Variants in MPG observed in about 807,000 individuals in gnomAD.
The protein encoded by MPG is DNA-3-methyladenine glycosylase.
A neutral mutation model predicts 31.7 loss-of-function variants in MPG; 33 were observed. That is an observed-to-expected ratio of 1.04 (90% CI 0.79 to 1.39). The LOEUF (loss-of-function observed/expected upper bound fraction) is 1.39, where lower values mean the gene tolerates loss of function less well. Ranked by LOEUF, MPG falls within the 40% of genes most tolerant of loss-of-function variation. MPG has a pLI of 0.00. For missense variants in MPG, 455 were observed against 415.5 expected (o/e 1.10, Z -0.83); for synonymous variants, 202 against 169.2 (o/e 1.19, Z -1.51).
chr16:83,144 C>T lies in MPG; in HGVS notation c.393C>T (p.His131=). 1 of 1,613,238 alleles carries T rather than the reference C, an allele frequency of 6.2e-7. No individual in the cohort carries two copies. The highest frequency in any genetic ancestry group is 1.3e-5 in the African/African-American group (1 of 75,052). Residue 131 remains histidine, a synonymous_variant, in exon 3 of 4, where the codon CAC becomes CAT. Transcript: ENST00000356432. ...TGGGGCCAGAGGATGAAGCCGCCCA[C>T]TCAAGGGGTGGCCGGCAGACCCCCC... ...AYLGPEDEAA[H]SRGGRQTPRN...
Position 79,527 on chromosome 16 carries a change from TCGTCCGATGCAGCC to T in MPG, c.129_142del (p.Ser44GlyfsTer60). The T allele has an allele frequency of 6.2e-7, 1 of 1,612,806 alleles. No homozygotes were observed. Among genetic ancestry groups the T allele is most frequent in the Non-Finnish European group, 8.5e-7 (1 of 1,179,932 alleles). ...GGCACCTGCAGAGCAGCCACACAGC[TCGTCCGATGCAGCC>T]CAGGCACCTTGCCCCAGGGAGCGCT... On this transcript the variant is annotated frameshift_variant, in exon 2 of 4. Coordinates refer to ENST00000356432, the MANE Select transcript of MPG (RefSeq NM_001015052.3). LOFTEE classifies it high-confidence loss of function.
At chr16:79,301 C>A (rs770926942) in intron 1 of MPG, 124 bp from the exon 2 acceptor site, 1 of 1,596,200 alleles carries the variant, frequency 6.3e-7, no homozygotes, top group Non-Finnish European at 8.5e-7. Flanking sequence ...GGATGGTCAC[C>A]CCCGCTTTGC....
intron 1 of MPG, 129 bp from the exon 2 acceptor site, chr16:79,296 G>C (rs959519751): frequency 1.3e-6 from 2 of 1,590,708 alleles, no homozygotes; most frequent in Non-Finnish European, 8.6e-7. Flanking sequence ...CCACAGGATG[G>C]TCACCCCCGC....
intron 1 of MPG, chr16:79,045 C>CAG: frequency 2.8e-6 from 4 of 1,428,900 alleles, no homozygotes; most frequent in Non-Finnish European, 3.6e-6. Context: ...CTCCAGAAAC[C>CAG]AGCTCAGACG....
At chr16:79,159 A>C in intron 1 of MPG, 1 of 1,524,056 alleles carries the variant, frequency 6.6e-7, no homozygotes, top group Non-Finnish European at 8.8e-7. Context: ...CTGGGCCCCC[A>C]TGCCGTGCAG....
chr16:83,436 A>C (rs1451041773), intron 3 of MPG, 180 bp downstream of exon 3: 1 of 631,372 alleles, frequency 1.6e-6, no homozygotes, highest in South Asian at 2.0e-5. Context: ...GGTTAGGTTA[A>C]AGGGGTAGAA....
chr16:79,824 G>A (rs1007850656), intron 2 of MPG, 124 bp downstream of exon 2: 9 of 1,125,056 alleles, frequency 8.0e-6, no homozygotes, highest in East Asian at 5.2e-5. Context: ...TGCATTTAGC[G>A]GCTTTGCTCA....
rs1232628610 is a variant in MPG, at chr16:78,251, C to T, written c.-59C>T. ...GTCCTAGGGGTGCTTCCGTGGTCGG[C>T]GGCTGCTGGGCTCCGCGCCGGGGTC... On this transcript the variant is annotated 5_prime_UTR_variant, in exon 1 of 4. Transcript: ENST00000356432. 2.2e-6 allele frequency: 3 copies of T among 1,362,660 alleles called. No homozygotes were observed. Among genetic ancestry groups the T allele is most frequent in the Non-Finnish European group, 2.9e-6 (3 of 1,052,576 alleles). The allele number at this position is 1,362,660 out of a possible 1,614,324, so 84.4% of individuals were successfully genotyped here.
chr16:79,994 C>T (rs1898198307), intron 2 of MPG: 1 of 518,934 alleles, frequency 1.9e-6, no homozygotes, highest in Non-Finnish European at 3.5e-6. Context: ...GCCTTCCTCA[C>T]CGGCAATCCA....
At chr16:78,688 G>GC (rs1448580965) in intron 1 of MPG, among the ~76,000 whole-genome samples, 1 of 152,194 alleles carries the variant, frequency 6.6e-6, no homozygotes. Flanking sequence ...CTAAAGACCA[G>GC]CCCTCCGGGT....
At chr16:78,189 C>CT, upstream of MPG, 1 of 947,144 alleles carries the variant, frequency 1.1e-6, no homozygotes, top group Non-Finnish European at 1.4e-6. Context: ...CTTCTCCCGG[C>CT]TTCCGTCCCC....
upstream of MPG, among the ~76,000 whole-genome samples, chr16:77,719 G>T (rs906416729): frequency 1.1e-4 from 17 of 152,184 alleles, no homozygotes; most frequent in Non-Finnish European, 2.5e-4. Context: ...GCACAAGCCT[G>T]GCGTCCACTT....
chr16:85,747 CAG>C lies in MPG; in HGVS notation c.855_856del (p.Arg285SerfsTer3). 6.6e-7 allele frequency: 1 copy of C among 1,513,752 alleles called. No homozygotes were observed. The highest frequency in any genetic ancestry group is 8.8e-7 in the Non-Finnish European group (1 of 1,130,106). The allele number at this position is 1,513,752 out of a possible 1,614,324, so 93.8% of individuals were successfully genotyped here. A position where few individuals can be genotyped will look rare whatever the true frequency, so the allele number is the denominator to read the frequency against. On this transcript the variant is annotated frameshift_variant, in exon 4 of 4. Coordinates refer to ENST00000356432, the MANE Select transcript of MPG (RefSeq NM_001015052.3). LOFTEE classifies it high-confidence loss of function. The part of the protein sequence containing the change: ...RGSPWVSVVD[R>X]VAEQDTQA Reference sequence around the variant, plus strand: ...GCAGCCCCTGGGTCAGTGTGGTCGACAGAGTGGCTGAGCAGGACACACAGGCC... The same window carrying C: ...GCAGCCCCTGGGTCAGTGTGGTCGACAGTGGCTGAGCAGGACACACAGGCC...
At chr16:81,654 AT>A (rs1898240591) in intron 2 of MPG, among the ~76,000 whole-genome samples, 1 of 137,322 alleles carries the variant, frequency 7.3e-6, no homozygotes, top group Non-Finnish European at 1.5e-5. Context: ...CCACCACCCT[AT>A]CTCCGGGAAG....
At position 83,200 on chromosome 16, in the gene MPG, C is replaced by A. The variant is rs1253186430; in HGVS notation, c.449C>A (p.Thr150Asn). The A allele has an allele frequency of 1.2e-6, 2 of 1,613,190 alleles. No homozygotes were observed. Among genetic ancestry groups the A allele is most frequent in the Admixed American group, 1.7e-5 (1 of 60,006 alleles). Residue 150 changes from threonine (T) to asparagine (N), a missense_variant, in exon 3 of 4, where the codon ACC becomes AAC. Coordinates refer to ENST00000356432, the MANE Select transcript of MPG (RefSeq NM_001015052.3). Reference protein sequence around the residue: ...RNRGMFMKPGTLYVYIIYGMY... With the variant: ...RNRGMFMKPGNLYVYIIYGMY... ...CGAGGCATGTTCATGAAGCCGGGGA[C>A]CCTGTACGTGTACATCATTTACGGC...
At chr16:82,946 G>A (rs370671811) in intron 2 of MPG, 106 bp from the exon 3 acceptor site, 8 of 976,254 alleles carry the variant, frequency 8.2e-6, no homozygotes, top group African/African-American at 1.6e-5. Flanking sequence ...CTAGACCTGG[G>A]CGGCTGACAC....
Position 83,064 on chromosome 16 carries a change from C to T in MPG, c.313C>T (p.Arg105Ter), listed in dbSNP as rs375410365. The T allele has an allele frequency of 3.2e-5, 51 of 1,602,220 alleles. No individual in the cohort carries two copies. The highest frequency in any genetic ancestry group is 1.7e-4 in the Middle Eastern group (1 of 5,972). The change falls in exon 3 of 4, where the codon CGA (arginine) becomes TGA (stop). Residue 105 changes from arginine (R) to a stop codon, truncating the protein, a stop_gained. Transcript: ENST00000356432. LOFTEE classifies it high-confidence loss of function. ...TGACTGCCCACAGGTCCTAGTCCGG[C>T]GACTTCCTAATGGCACAGAACTCCG... ...RAFLGQVLVR[R>*]LPNGTELRGR...
Position 85,609 on chromosome 16 carries a change from G to A in MPG, c.714G>A (p.Trp238Ter), listed in dbSNP as rs202204500. Reference sequence around the variant, plus strand: ...ACCTGGCACAGGATGAAGCTGTATGGCTGGAGCGTGGTCCCCTGGAGCCCA... The same window carrying A: ...ACCTGGCACAGGATGAAGCTGTATGACTGGAGCGTGGTCCCCTGGAGCCCA... ...QRDLAQDEAV[W>*]LERGPLEPSE... Residue 238 changes from tryptophan (W) to a stop codon, truncating the protein, a stop_gained, in exon 4 of 4, where the codon TGG (tryptophan) becomes TGA (stop). Coordinates refer to ENST00000356432, the MANE Select transcript of MPG (RefSeq NM_001015052.3). LOFTEE classifies it high-confidence loss of function. 1.9e-6 allele frequency: 3 copies of A among 1,607,806 alleles called. No individual in the cohort carries two copies. The Admixed American group carries it at 5.0e-5, about 27-fold the overall frequency.
intron 2 of MPG, among the ~76,000 whole-genome samples, chr16:80,315 G>T (rs1274803968): frequency 1.3e-5 from 2 of 152,190 alleles, no homozygotes; most frequent in African/African-American, 4.8e-5. Flanking sequence ...CTGCCTTTCT[G>T]GTTCTCCAGA....
Sources: gnomAD v4.1 joint callset for allele counts (sites outside exome capture counted in the v4.1 genomes callset) on GRCh38, gnomAD v4.1.1 for gene constraint, MANE v1.5 for transcripts, NCBI Gene and HGNC (gene_info 2026-07-23, HGNC 2026-07-21) for gene names.